Variants in NGF observed in about 807,000 individuals in gnomAD.
NGF encodes the protein beta-nerve growth factor.
In NGF, 4 loss-of-function variants were observed where a neutral mutation model predicts 12.8. The ratio of observed to expected loss-of-function variants is 0.31; its 90% CI spans 0.15 to 0.72. The LOEUF (loss-of-function observed/expected upper bound fraction) is 0.72, where lower values mean the gene tolerates loss of function less well. Ranked by LOEUF, NGF falls within the 30% of genes least tolerant of loss-of-function variation. NGF has a pLI of 0.69. For missense variants in NGF, 283 were observed against 330.8 expected (o/e 0.86, Z 1.12); for synonymous variants, 140 against 130.0 (o/e 1.08, Z -0.52).
At chr1:115,295,237 A>G (rs1050752806) in intron 1 of NGF, among the ~76,000 whole-genome samples, 1 of 152,160 alleles carries the variant, frequency 6.6e-6, no homozygotes, top group Non-Finnish European at 1.5e-5. Flanking sequence ...AGTGATCTTC[A>G]AGTTACTAGA....
intron 1 of NGF, among the ~76,000 whole-genome samples, chr1:115,327,966 A>C (rs1253633201): frequency 6.6e-6 from 1 of 152,204 alleles, no homozygotes; most frequent in African/African-American, 2.4e-5. Context: ...AAAGATGAAC[A>C]TTATCCCTAG....
intron 1 of NGF, among the ~76,000 whole-genome samples, chr1:115,298,425 A>G (rs970461649): frequency 6.6e-6 from 1 of 152,104 alleles, no homozygotes; most frequent in Non-Finnish European, 1.5e-5. Flanking sequence ...TAACAGAGAG[A>G]GGGGATTCAG....
intron 1 of NGF, among the ~76,000 whole-genome samples, chr1:115,324,409 A>G (rs1654713649): frequency 6.6e-6 from 1 of 152,210 alleles, no homozygotes; most frequent in Non-Finnish European, 1.5e-5. Context: ...TCACCCCAGG[A>G]TGAGCCAACC....
chr1:115,326,113 A>T (rs1654765124), intron 1 of NGF, among the ~76,000 whole-genome samples: 1 of 152,082 alleles, frequency 6.6e-6, no homozygotes. Flanking sequence ...GCGATCTAGA[A>T]AGGAAAGCTG....
At chr1:115,305,387 G>T (rs547983361) in intron 1 of NGF, among the ~76,000 whole-genome samples, 1 of 152,262 alleles carries the variant, frequency 6.6e-6, no homozygotes, top group African/African-American at 2.4e-5. Context: ...CCCTTGCTCT[G>T]CAATTCACTC....
chr1:115,302,285 G>A (rs1256987722), intron 1 of NGF, among the ~76,000 whole-genome samples: 4 of 152,216 alleles, frequency 2.6e-5, no homozygotes, highest in African/African-American at 9.6e-5. Flanking sequence ...GTGCGCCACA[G>A]AGGAACTAAG....
chr1:115,302,140 C>T (rs151108144), intron 1 of NGF, among the ~76,000 whole-genome samples: 1 of 152,066 alleles, frequency 6.6e-6, no homozygotes, highest in Non-Finnish European at 1.5e-5. Flanking sequence ...CCAAGTAAAT[C>T]ATTATTTCAT....
chr1:115,312,637 T>C (rs1229442243), intron 1 of NGF, among the ~76,000 whole-genome samples: 27 of 152,228 alleles, frequency 1.8e-4, no homozygotes, highest in Non-Finnish European at 3.5e-4. Flanking sequence ...ACTTTCTTTT[T>C]ATTTGCCTTG....
chr1:115,335,143 T>C (rs971913505), intron 1 of NGF, among the ~76,000 whole-genome samples: 2 of 152,224 alleles, frequency 1.3e-5, no homozygotes, highest in Middle Eastern at 3.2e-3. Flanking sequence ...TTCATTCTTC[T>C]GGTCTTCACT....
chr1:115,326,595 G>C (rs1654784731), intron 1 of NGF, among the ~76,000 whole-genome samples: 1 of 152,126 alleles, frequency 6.6e-6, no homozygotes, highest in Admixed American at 6.6e-5. Flanking sequence ...GCCTCACAAG[G>C]TTCCGCTCAA....
chr1:115,313,945 C>T (rs954665961), intron 1 of NGF, among the ~76,000 whole-genome samples: 1 of 152,110 alleles, frequency 6.6e-6, no homozygotes, highest in Non-Finnish European at 1.5e-5. Flanking sequence ...TCAGGCTGCA[C>T]CTGAACTCCT....
chr1:115,320,828 G>A (rs1218329225), intron 1 of NGF, among the ~76,000 whole-genome samples: 1 of 152,202 alleles, frequency 6.6e-6, no homozygotes, highest in Non-Finnish European at 1.5e-5. Context: ...CCCTAATTTG[G>A]AGCATCTGCT....
intron 1 of NGF, among the ~76,000 whole-genome samples, chr1:115,294,991 C>T (rs1354771208): frequency 6.6e-6 from 1 of 151,846 alleles, no homozygotes; most frequent in Non-Finnish European, 1.5e-5. Flanking sequence ...GTGGAGATGC[C>T]CTCCCAATAA....
chr1:115,325,830 A>G (rs1337289006), intron 1 of NGF, among the ~76,000 whole-genome samples: 4 of 152,140 alleles, frequency 2.6e-5, no homozygotes, highest in Non-Finnish European at 5.9e-5. Flanking sequence ...AATTGGATAT[A>G]AAAGGTGAGA....
chr1:115,296,740 A>G (rs940881406), intron 1 of NGF, among the ~76,000 whole-genome samples: 5 of 152,204 alleles, frequency 3.3e-5, no homozygotes, highest in South Asian at 2.1e-4. Flanking sequence ...GAAACTCTAA[A>G]TGATTTTTAT....
At chr1:115,326,211 G>A (rs1377739595) in intron 1 of NGF, among the ~76,000 whole-genome samples, 8 of 151,916 alleles carry the variant, frequency 5.3e-5, no homozygotes, top group Non-Finnish European at 8.8e-5. Context: ...GAGGGAGAAG[G>A]GACATTAGGA....
intron 1 of NGF, among the ~76,000 whole-genome samples, chr1:115,302,213 T>C (rs2101033780): frequency 6.6e-6 from 1 of 152,358 alleles, no homozygotes; most frequent in Non-Finnish European, 1.5e-5. Flanking sequence ...TGAGCCTCCC[T>C]TTCACTTTGG....
At chr1:115,319,997 G>A (rs1017261334) in intron 1 of NGF, among the ~76,000 whole-genome samples, 3 of 152,248 alleles carry the variant, frequency 2.0e-5, no homozygotes, top group East Asian at 3.9e-4. Context: ...TAACTCATGC[G>A]GACGTTCTGG....
At position 115,289,070 on chromosome 1, in the gene NGF, A is replaced by G. The variant is rs985180829; in HGVS notation, c.-12-2263T>C. On this transcript the variant is annotated intron_variant, in intron 2 of 2. Coordinates refer to ENST00000369512, the MANE Select transcript of NGF (RefSeq NM_002506.3). ...GTTTGCTCCAGTTCTCCAGCTGACCATGCAAAGGAGGCAATGGCATATCTG... is the reference window on the plus strand; with the variant it reads ...GTTTGCTCCAGTTCTCCAGCTGACCGTGCAAAGGAGGCAATGGCATATCTG... Among the ~76,000 whole-genome samples the G allele has an allele frequency of 2.0e-5, 3 of 152,238 alleles. No homozygotes were observed. In the East Asian group the frequency reaches 5.8e-4, roughly 29 times the overall value.
Sources: allele counts gnomAD v4.1 joint callset (sites outside exome capture counted in the v4.1 genomes callset), GRCh38; gene constraint gnomAD v4.1.1; transcripts MANE v1.5; gene names NCBI Gene and HGNC (gene_info 2026-07-23, HGNC 2026-07-21).